The following RNF2 variants were observed in gnomAD, a reference collection of about 807,000 sequenced individuals.
RNF2 encodes ring finger protein 2.
RNF2 carries 6 observed loss-of-function variants against 37.2 expected under a neutral mutation model. The ratio of observed to expected loss-of-function variants is 0.16; its 90% CI spans 0.09 to 0.32. The LOEUF (loss-of-function observed/expected upper bound fraction) is 0.32. RNF2 is among the 10% of genes least tolerant of loss of function. The pLI, the probability that RNF2 is intolerant of heterozygous loss-of-function variation, is 1.00. For synonymous variants in RNF2, 133 were observed against 132.7 expected (o/e 1.00, Z -0.02); for missense variants, 251 against 404.0 (o/e 0.62, Z 3.25).
At position 185,063,018 on chromosome 1, in the gene RNF2, T is replaced by A. The variant is rs1445716505; in HGVS notation, c.-3+17369T>A. ...AGCAGTATTTGTCAGAATAAAAAAA[T>A]GTACTTGCCCTTTGATCCAGTAATT... On this transcript the variant is annotated intron_variant, in intron 1 of 6. Coordinates refer to ENST00000367510, the MANE Select transcript of RNF2 (RefSeq NM_007212.4). Among the ~76,000 whole-genome samples, 5 of 152,208 alleles carry A rather than the reference T, an allele frequency of 3.3e-5. No individual in the cohort carries two copies. The South Asian group carries it at 1.0e-3, about 31-fold the overall frequency.
At chr1:185,053,193 A>G (rs1484061490) in intron 1 of RNF2, among the ~76,000 whole-genome samples, 1 of 152,092 alleles carries the variant, frequency 6.6e-6, no homozygotes, top group African/African-American at 2.4e-5. Flanking sequence ...GGAAGGTATT[A>G]TTGTTATTAT....
At position 185,086,961 on chromosome 1, in the gene RNF2, T is replaced by C. The variant is rs559709547; in HGVS notation, c.-2-591T>C. Reference sequence around the variant, plus strand: ...CAGCAGTAATTAAGCACTTTTGATATGCTAAGTACTTCCTGTATGCCAGCT... The same window carrying C: ...CAGCAGTAATTAAGCACTTTTGATACGCTAAGTACTTCCTGTATGCCAGCT... On this transcript the variant is annotated intron_variant, in intron 1 of 6. Coordinates refer to ENST00000367510, the MANE Select transcript of RNF2 (RefSeq NM_007212.4). Among the ~76,000 whole-genome samples, 304 of 152,358 alleles carry C rather than the reference T, an allele frequency of 2.0e-3. 1 individual carries two copies. The highest frequency in any genetic ancestry group is 7.1e-3 in the African/African-American group (297 of 41,578).
At chr1:185,086,329 C>G (rs1433158030) in intron 1 of RNF2, among the ~76,000 whole-genome samples, 1 of 152,028 alleles carries the variant, frequency 6.6e-6, no homozygotes, top group East Asian at 1.9e-4. Flanking sequence ...TGACTGGGGT[C>G]ACTTCATTTT....
At chr1:185,095,763 T>C (rs551450561) in intron 4 of RNF2, among the ~76,000 whole-genome samples, 27 of 152,362 alleles carry the variant, frequency 1.8e-4, no homozygotes, top group African/African-American at 5.5e-4. Context: ...GAAATACTTA[T>C]GTTGACTTCT....
intron 1 of RNF2, among the ~76,000 whole-genome samples, chr1:185,085,048 C>T (rs1261748526): frequency 1.3e-5 from 2 of 151,920 alleles, no homozygotes; most frequent in Admixed American, 6.6e-5. Context: ...TGTGTAGCAA[C>T]TGTACTGCTC....
At chr1:185,051,483 C>T (rs999832429) in intron 1 of RNF2, among the ~76,000 whole-genome samples, 2 of 152,112 alleles carry the variant, frequency 1.3e-5, no homozygotes, top group African/African-American at 2.4e-5. Flanking sequence ...GTACGTAAAG[C>T]GGTCTTTGTA....
At chr1:185,079,483 G>GCTATA (rs1651282050) in intron 1 of RNF2, among the ~76,000 whole-genome samples, 1 of 152,184 alleles carries the variant, frequency 6.6e-6, no homozygotes, top group Non-Finnish European at 1.5e-5. Flanking sequence ...CCTTTTAAAG[G>GCTATA]AAAGCATCTT....
chr1:185,056,479 T>G (rs1057443658), intron 1 of RNF2, among the ~76,000 whole-genome samples: 1 of 152,072 alleles, frequency 6.6e-6, no homozygotes, highest in Non-Finnish European at 1.5e-5. Context: ...CCAATTTAGC[T>G]TCCTGAGTAG....
At chr1:185,066,481 T>G (rs1650803340) in intron 1 of RNF2, among the ~76,000 whole-genome samples, 1 of 152,222 alleles carries the variant, frequency 6.6e-6, no homozygotes, top group African/African-American at 2.4e-5. Context: ...CAGGAAACAT[T>G]TTCTGATTTC....
intron 1 of RNF2, among the ~76,000 whole-genome samples, chr1:185,081,989 T>C (rs1157832247): frequency 2.6e-5 from 4 of 152,172 alleles, no homozygotes; most frequent in Non-Finnish European, 4.4e-5. Context: ...TTGGAAGTGC[T>C]TCAGTCCAAC....
At chr1:185,094,853 A>G (rs1013383469) in intron 4 of RNF2, among the ~76,000 whole-genome samples, 27 of 152,186 alleles carry the variant, frequency 1.8e-4, no homozygotes, top group Admixed American at 7.9e-4. Flanking sequence ...ATTATTTTCC[A>G]TAGAAGGAGA....
intron 1 of RNF2, among the ~76,000 whole-genome samples, chr1:185,083,767 G>C (rs1462162019): frequency 6.7e-6 from 1 of 150,364 alleles, no homozygotes; most frequent in Non-Finnish European, 1.5e-5. Flanking sequence ...CACCACTCCT[G>C]GCTAACATTT....
At chr1:185,052,244 G>A (rs1255267385) in intron 1 of RNF2, among the ~76,000 whole-genome samples, 2 of 152,076 alleles carry the variant, frequency 1.3e-5, no homozygotes, top group African/African-American at 2.4e-5. Context: ...CCAAAGTAGG[G>A]CCAGGCAATC....
intron 2 of RNF2, among the ~76,000 whole-genome samples, chr1:185,088,101 A>G (rs1365893882): frequency 6.6e-6 from 1 of 152,216 alleles, no homozygotes; most frequent in East Asian, 1.9e-4. Flanking sequence ...GCAGGCAGAG[A>G]TGCCAACTAT....
intron 1 of RNF2, among the ~76,000 whole-genome samples, chr1:185,077,800 A>T: frequency 7.2e-6 from 1 of 138,100 alleles, no homozygotes. Flanking sequence ...TTCATTTTCT[A>T]ATTTCTAATG....
chr1:185,091,399 G>A (rs895114299), intron 2 of RNF2, among the ~76,000 whole-genome samples, 180 bp from the exon 3 acceptor site: 5 of 152,166 alleles, frequency 3.3e-5, no homozygotes, highest in Non-Finnish European at 7.4e-5. Context: ...TGGTGGTGAG[G>A]CTGAGGGGAG....
chr1:185,065,941 C>T (rs1197428435), intron 1 of RNF2, among the ~76,000 whole-genome samples: 1 of 151,502 alleles, frequency 6.6e-6, no homozygotes, highest in Non-Finnish European at 1.5e-5. Context: ...ATACTACTTT[C>T]TGCTATACTG....
intron 1 of RNF2, among the ~76,000 whole-genome samples, chr1:185,060,697 A>G (rs530738410): frequency 6.6e-6 from 1 of 152,318 alleles, no homozygotes; most frequent in South Asian, 2.1e-4. Context: ...TAGACTGGAA[A>G]CCCTTTGGCA....
chr1:185,063,782 A>G (rs142442884), intron 1 of RNF2, among the ~76,000 whole-genome samples: 1 of 151,994 alleles, frequency 6.6e-6, no homozygotes, highest in African/African-American at 2.4e-5. Context: ...CTGCATTCTA[A>G]TTTGCAGCCC....
Sources: gnomAD v4.1 joint callset for allele counts (sites outside exome capture counted in the v4.1 genomes callset) on GRCh38, gnomAD v4.1.1 for gene constraint, MANE v1.5 for transcripts, NCBI Gene and HGNC (gene_info 2026-07-23, HGNC 2026-07-21) for gene names.